The following FILIP1L variants were observed in gnomAD, a reference collection of about 807,000 sequenced individuals.
The protein encoded by FILIP1L is filamin A-interacting protein 1-like.
Under a neutral mutation model 96.6 loss-of-function variants are expected in FILIP1L, and 55 were observed. The ratio of observed to expected loss-of-function variants is 0.57; its 90% CI spans 0.46 to 0.71. The LOEUF is 0.71. FILIP1L is among the 30% of genes least tolerant of loss of function. FILIP1L has a pLI of 0.00. For missense variants in FILIP1L, 1,304 were observed against 1,321.2 expected, an observed-to-expected ratio of 0.99 and a Z score of 0.20; for synonymous variants, 467 against 473.9, an observed-to-expected ratio of 0.99 and a Z score of 0.19.
intron 5 of FILIP1L, among the ~76,000 whole-genome samples, chr3:99,842,247 A>G (rs1256212598): frequency 6.6e-6 from 1 of 152,158 alleles, no homozygotes. Flanking sequence ...AAAACCAAAC[A>G]TTGTATGTTC....
intron 1 of FILIP1L, among the ~76,000 whole-genome samples, chr3:100,104,058 C>G (rs549920316): frequency 1.4e-4 from 21 of 152,278 alleles, no homozygotes; most frequent in Non-Finnish European, 2.6e-4. Context: ...TTCTAGCCAT[C>G]CACTGAGGAG....
At chr3:99,910,843 G>C (rs1323506757) in intron 4 of FILIP1L, among the ~76,000 whole-genome samples, 1 of 151,874 alleles carries the variant, frequency 6.6e-6, no homozygotes, top group Non-Finnish European at 1.5e-5. Flanking sequence ...TTTTAATGTT[G>C]CCCAAGAAAC....
At chr3:99,929,784 T>C (rs1707416900) in intron 3 of FILIP1L, 72 bp downstream of exon 3, 1 of 1,135,286 alleles carries the variant, frequency 8.8e-7, no homozygotes, top group Admixed American at 2.5e-5. Flanking sequence ...AAAGAGGAGT[T>C]ACAGATCATG....
intron 4 of FILIP1L, among the ~76,000 whole-genome samples, chr3:99,907,813 G>A (rs895672968): frequency 6.6e-6 from 1 of 152,136 alleles, no homozygotes; most frequent in East Asian, 1.9e-4. Flanking sequence ...TCCATTAGGA[G>A]ATCAAGCCAT....
chr3:100,037,893 A>G (rs1395078861), intron 1 of FILIP1L, among the ~76,000 whole-genome samples: 1 of 149,026 alleles, frequency 6.7e-6, no homozygotes, highest in African/African-American at 2.5e-5. Context: ...TTACAGCCAC[A>G]CTAACTGGCT....
At chr3:100,052,246 T>C (rs1455826874) in intron 1 of FILIP1L, among the ~76,000 whole-genome samples, 2 of 152,320 alleles carry the variant, frequency 1.3e-5, no homozygotes, top group South Asian at 2.1e-4. Context: ...ATACACTCCA[T>C]TGGAGTTTTG....
At chr3:100,018,716 C>A in intron 1 of FILIP1L, among the ~76,000 whole-genome samples, 1 of 125,726 alleles carries the variant, frequency 8.0e-6, no homozygotes, top group African/African-American at 3.0e-5. Context: ...TTACATCAAA[C>A]TTAAAAGTTT....
At chr3:99,972,409 T>C (rs1463196241) in intron 1 of FILIP1L, among the ~76,000 whole-genome samples, 3 of 152,234 alleles carry the variant, frequency 2.0e-5, no homozygotes, top group Non-Finnish European at 4.4e-5. Context: ...GAGAAGCCTC[T>C]GTCTTGCAGC....
chr3:100,076,418 T>G (rs1310327941), intron 1 of FILIP1L, among the ~76,000 whole-genome samples: 4 of 152,234 alleles, frequency 2.6e-5, no homozygotes, highest in African/African-American at 9.6e-5. Flanking sequence ...TTCTTTTTCT[T>G]TTATCATTGT....
At chr3:99,982,201 C>G (rs897808809) in intron 1 of FILIP1L, among the ~76,000 whole-genome samples, 6 of 151,804 alleles carry the variant, frequency 4.0e-5, no homozygotes, top group African/African-American at 1.5e-4. Flanking sequence ...ATAGTATTGT[C>G]TATATGCATG....
chr3:99,851,088 C>T lies in FILIP1L; in HGVS notation c.606-18G>A. On this transcript the variant is annotated intron_variant, in intron 4 of 5. Transcript: ENST00000477258. Reference sequence around the variant, plus strand: ...TCTTTAATCTGAAAAATGTAAAGTGCATTTTATTTTGTGATTGATGCTTTA... The same window carrying T: ...TCTTTAATCTGAAAAATGTAAAGTGTATTTTATTTTGTGATTGATGCTTTA... 1 of 1,545,216 alleles carries T rather than the reference C, an allele frequency of 6.5e-7. No individual in the cohort carries two copies. The highest frequency in any genetic ancestry group is 8.7e-7 in the Non-Finnish European group (1 of 1,155,006).
At chr3:99,926,992 C>T (rs758036685) in intron 3 of FILIP1L, among the ~76,000 whole-genome samples, 1 of 152,156 alleles carries the variant, frequency 6.6e-6, no homozygotes, top group Non-Finnish European at 1.5e-5. Context: ...CTCTCCTGTT[C>T]GGGGCCAAAA....
At chr3:99,854,688 G>A (rs544300029) in intron 4 of FILIP1L, among the ~76,000 whole-genome samples, 66 of 151,782 alleles carry the variant, frequency 4.3e-4, no homozygotes, top group African/African-American at 1.5e-3. Context: ...GTCTCCTGGG[G>A]GGCAGTCACC....
At chr3:100,062,705 T>C (rs1216460221) in intron 1 of FILIP1L, among the ~76,000 whole-genome samples, 5 of 152,236 alleles carry the variant, frequency 3.3e-5, no homozygotes, top group Non-Finnish European at 7.3e-5. Context: ...AAAGCCCCTA[T>C]ATCTTAGGCT....
intron 1 of FILIP1L, among the ~76,000 whole-genome samples, chr3:99,941,362 G>A (rs1271268571): frequency 6.6e-6 from 1 of 152,182 alleles, no homozygotes; most frequent in African/African-American, 2.4e-5. Context: ...AAAGTGTTTT[G>A]GAAGGATTTG....
intron 1 of FILIP1L, chr3:100,040,373 CG>C (rs1389156825): frequency 1.3e-5 from 2 of 152,046 alleles, no homozygotes; most frequent in Non-Finnish European, 2.9e-5. Context: ...GTTCTCTCCC[CG>C]AGAATCATTT....
chr3:99,975,710 G>A (rs936306279), intron 1 of FILIP1L, among the ~76,000 whole-genome samples: 2 of 152,102 alleles, frequency 1.3e-5, no homozygotes, highest in Admixed American at 6.5e-5. Context: ...TCTAGGAAAG[G>A]GACATCTCAG....
At chr3:100,109,913 C>T (rs1378985371) in intron 1 of FILIP1L, 3 of 123,172 alleles carry the variant, frequency 2.4e-5, no homozygotes, top group African/African-American at 3.0e-5. Flanking sequence ...ACCCCCCCCC[C>T]CCAGCACCAC....
At chr3:100,102,192 C>T (rs190926062) in intron 1 of FILIP1L, among the ~76,000 whole-genome samples, 38 of 152,326 alleles carry the variant, frequency 2.5e-4, no homozygotes, top group Non-Finnish European at 4.9e-4. Context: ...TGAGGAATCA[C>T]CACACCGACT....
Sources: gnomAD v4.1 joint callset for allele counts (sites outside exome capture counted in the v4.1 genomes callset) on GRCh38, gnomAD v4.1.1 for gene constraint, MANE v1.5 for transcripts, NCBI Gene and HGNC (gene_info 2026-07-23, HGNC 2026-07-21) for gene names.